The following PARD3B variants were observed in gnomAD, a reference collection of about 807,000 sequenced individuals.
PARD3B encodes partitioning defective 3 homolog B.
A neutral mutation model predicts 130.2 loss-of-function variants in PARD3B; 103 were observed. The observed-to-expected ratio is 0.79, with a 90% CI of 0.67 to 0.93. PARD3B has a LOEUF of 0.93. PARD3B is among the 40% of genes least tolerant of loss of function. The probability of loss-of-function intolerance (pLI) is 0.00; values close to 1 mark genes in which losing one functional copy is unlikely to be tolerated. For missense variants in PARD3B, 1,609 were observed against 1,499.2 expected, an observed-to-expected ratio of 1.07 and a Z score of -1.21; for synonymous variants, 583 against 553.2, an observed-to-expected ratio of 1.05 and a Z score of -0.76.
chr2:204,648,642 TTA>T (rs1314283450), intron 1 of PARD3B, among the ~76,000 whole-genome samples: 36 of 117,632 alleles, frequency 3.1e-4, no homozygotes, highest in South Asian at 6.8e-4. Flanking sequence ...ATAATATATA[TTA>T]TATATATAAT....
At chr2:204,703,828 A>G (rs2038008415) in intron 2 of PARD3B, among the ~76,000 whole-genome samples, 1 of 152,292 alleles carries the variant, frequency 6.6e-6, no homozygotes, top group Admixed American at 6.5e-5. Context: ...AAGAAAATTC[A>G]TATTTTATGG....
chr2:204,877,405 TAAAA>T (rs1183572026), intron 2 of PARD3B, among the ~76,000 whole-genome samples: 2 of 151,662 alleles, frequency 1.3e-5, no homozygotes, highest in Non-Finnish European at 2.9e-5. Context: ...ATAAAAAAAT[TAAAA>T]AAAAGAAAAT....
intron 2 of PARD3B, among the ~76,000 whole-genome samples, chr2:204,723,542 G>A (rs957409974): frequency 1.3e-5 from 2 of 152,118 alleles, no homozygotes; most frequent in Admixed American, 6.5e-5. Flanking sequence ...TTTATTATAT[G>A]TTTTGAAGGG....
At chr2:204,616,164 CG>C (rs1377318849) in intron 1 of PARD3B, among the ~76,000 whole-genome samples, 1 of 152,042 alleles carries the variant, frequency 6.6e-6, no homozygotes, top group Non-Finnish European at 1.5e-5. Flanking sequence ...GTGAAACACA[CG>C]GTGGAGAGAA....
chr2:204,784,581 C>T (rs2041945320), intron 2 of PARD3B, among the ~76,000 whole-genome samples: 1 of 152,050 alleles, frequency 6.6e-6, no homozygotes, highest in Non-Finnish European at 1.5e-5. Flanking sequence ...GTATTGGAAA[C>T]CAACAGTAAG....
At chr2:205,509,827 T>C (rs1467703348) in intron 21 of PARD3B, among the ~76,000 whole-genome samples, 1 of 152,210 alleles carries the variant, frequency 6.6e-6, no homozygotes, top group Admixed American at 6.5e-5. Flanking sequence ...ATCCGATTTC[T>C]CCAGCAAACT....
In PARD3B at chr2:205,024,166, T is replaced by C. The variant is rs1000172850; in HGVS notation, c.395-23415T>C. Reference sequence around the variant, plus strand: ...TCACCATCATTTTCTTTCTTTCTTTTTTTTTTTTTTTTTTTTTTGAGATGG... The same window carrying C: ...TCACCATCATTTTCTTTCTTTCTTTCTTTTTTTTTTTTTTTTTTGAGATGG... On this transcript the variant is annotated intron_variant, in intron 3 of 22. Transcript: ENST00000406610. 1.5e-3 allele frequency among the ~76,000 whole-genome samples: 199 copies of C among 130,258 alleles called. 1 individual carries two copies. Among genetic ancestry groups the C allele is most frequent in the African/African-American group, 5.7e-3 (175 of 30,596 alleles). The allele number at this position is 130,258 out of a possible 152,430, so 85.5% of individuals were successfully genotyped here.
intron 18 of PARD3B, among the ~76,000 whole-genome samples, chr2:205,353,806 T>C (rs1210644625): frequency 1.3e-5 from 2 of 152,058 alleles, no homozygotes; most frequent in Non-Finnish European, 2.9e-5. Context: ...AAAAACATAG[T>C]GAAAATCACC....
chr2:205,124,297 A>T (rs200100111), intron 8 of PARD3B, 30 bp from the exon 9 acceptor site: 82 of 1,466,946 alleles, frequency 5.6e-5, no homozygotes, highest in Non-Finnish European at 6.5e-5. Flanking sequence ...GCTTAAGATG[A>T]CTATACATTT....
chr2:204,662,238 A>G (rs1050525306), intron 1 of PARD3B, among the ~76,000 whole-genome samples: 2 of 152,194 alleles, frequency 1.3e-5, no homozygotes, highest in Admixed American at 1.3e-4. Flanking sequence ...GCATTTATTA[A>G]TATTACCACT....
chr2:205,615,049 T>G (rs191736639), intron 22 of PARD3B, among the ~76,000 whole-genome samples: 3 of 152,294 alleles, frequency 2.0e-5, no homozygotes, highest in African/African-American at 7.2e-5. Flanking sequence ...CTGCCTTGTT[T>G]AGGAAACTAG....
intron 10 of PARD3B, among the ~76,000 whole-genome samples, chr2:205,129,917 ACTC>A (rs1181917284): frequency 6.6e-6 from 1 of 152,062 alleles, no homozygotes; most frequent in Non-Finnish European, 1.5e-5. Context: ...ACTGTGCTGA[ACTC>A]CTATATTCTA....
At position 205,452,568 on chromosome 2, in the gene PARD3B, C is replaced by A. The variant is rs573379212; in HGVS notation, c.3044+11896C>A. ...CATCAATTTTTAAGTGACTTTTAAA[C>A]AATAATGAGAAATCTCTTAATGAAA... On this transcript the variant is annotated intron_variant, in intron 20 of 22. Coordinates refer to ENST00000406610, the MANE Select transcript of PARD3B (RefSeq NM_001302769.2). Among the ~76,000 whole-genome samples, 5 of 152,210 alleles carry A rather than the reference C, an allele frequency of 3.3e-5. No homozygotes were observed. The South Asian group carries it at 1.0e-3, about 32-fold the overall frequency.
intron 2 of PARD3B, among the ~76,000 whole-genome samples, chr2:204,769,992 CT>C (rs2041293186): frequency 7.2e-5 from 1 of 13,844 alleles, no homozygotes; most frequent in African/African-American, 2.5e-4. Context: ...TTTTTTGTGT[CT>C]CTATTTCCTT....
intron 1 of PARD3B, among the ~76,000 whole-genome samples, chr2:204,676,666 G>GTTTT (rs59424538): frequency 1.2e-4 from 11 of 92,318 alleles, no homozygotes; most frequent in South Asian, 4.1e-4. Context: ...CTCTATGATT[G>GTTTT]TTTTTTTTTT....
intron 2 of PARD3B, among the ~76,000 whole-genome samples, chr2:204,954,940 CTGTTGG>C (rs1298030858): frequency 6.6e-6 from 1 of 152,138 alleles, no homozygotes; most frequent in Non-Finnish European, 1.5e-5. Context: ...TATCTGAGAG[CTGTTGG>C]GTTGTCTTAA....
rs549998499 is a variant in PARD3B at position 205,568,632 on chromosome 2, G to A, written c.3260+15229G>A. On this transcript the variant is annotated intron_variant, in intron 22 of 22. Coordinates refer to ENST00000406610, the MANE Select transcript of PARD3B (RefSeq NM_001302769.2). The surrounding 1 kb of genome is among the most constrained non-coding windows in gnomAD (Gnocchi z 5.3). ...GTGCTGTGGCTTTACCTAGGATCGT[G>A]GCTATACACACAGGCGAGGTAAAGT... is the stretch of plus-strand genomic sequence containing the variant. Among the ~76,000 whole-genome samples the A allele has an allele frequency of 8.7e-4, 132 of 152,238 alleles. No homozygotes were observed. The highest frequency in any genetic ancestry group is 1.6e-3 in the Non-Finnish European group (108 of 68,020).
In PARD3B at chr2:205,104,652, GTTAC is replaced by G. The variant is rs945033014; in HGVS notation, c.593+142_593+145del. ...AGTGCAACATGTCCCAAGTCTAACA[GTTAC>G]TTAATTCTTCTTTTCTAGTGTTTTC... On this transcript the variant is annotated intron_variant, in intron 5 of 22. Transcript: ENST00000406610. The G allele has an allele frequency of 1.9e-5, 11 of 589,070 alleles. No individual in the cohort carries two copies. In the African/African-American group the frequency reaches 2.0e-4, roughly 11 times the overall value. 36.5% of individuals were successfully genotyped at this position (589,070 alleles called of 1,614,324 possible).
At chr2:204,581,465 T>TA (rs2032552002) in intron 1 of PARD3B, among the ~76,000 whole-genome samples, 1 of 152,176 alleles carries the variant, frequency 6.6e-6, no homozygotes, top group South Asian at 2.1e-4. Flanking sequence ...ATTTTTTTTT[T>TA]ATTTTTTTAA....
Sources: gnomAD v4.1 joint callset for allele counts (sites outside exome capture counted in the v4.1 genomes callset) on GRCh38, gnomAD v4.1.1 for gene constraint, Gnocchi (gnomAD v3.1) non-coding constraint, MANE v1.5 for transcripts, NCBI Gene and HGNC (gene_info 2026-07-23, HGNC 2026-07-21) for gene names.